Variants in ASTN2 observed in about 807,000 individuals in gnomAD.
ASTN2 encodes the protein astrotactin 2, also known as astrotactin-2.
Under a neutral mutation model 139.8 loss-of-function variants are expected in ASTN2, and 54 were observed. That is an observed-to-expected ratio of 0.39 (90% CI 0.31 to 0.48). ASTN2 has a LOEUF of 0.48. Ranked by LOEUF, ASTN2 falls within the 20% of genes least tolerant of loss-of-function variation. The probability of loss-of-function intolerance (pLI) is 0.95; values close to 1 mark genes in which losing one functional copy is unlikely to be tolerated. For missense variants in ASTN2, 1,565 were observed against 1,725.1 expected, an observed-to-expected ratio of 0.91 and a Z score of 1.64; for synonymous variants, 756 against 719.5, an observed-to-expected ratio of 1.05 and a Z score of -0.81.
chr9:116,875,516 G>C (rs1417524244), intron 10 of ASTN2, among the ~76,000 whole-genome samples: 1 of 152,156 alleles, frequency 6.6e-6, no homozygotes, highest in Non-Finnish European at 1.5e-5. Context: ...ATTAATAGAA[G>C]CTGCAGCAAG....
intron 4 of ASTN2, among the ~76,000 whole-genome samples, chr9:117,133,369 G>C (rs1233890091): frequency 6.6e-6 from 1 of 152,136 alleles, no homozygotes; most frequent in African/African-American, 2.4e-5. Flanking sequence ...TCCCAAAGTT[G>C]AGCCAGTCAG....
In ASTN2 at chr9:117,096,139, A is replaced by G; in HGVS notation, c.1181T>C (p.Phe394Ser). 1 of 1,613,892 alleles carries G rather than the reference A, an allele frequency of 6.2e-7. No homozygotes were observed. The highest frequency in any genetic ancestry group is 8.5e-7 in the Non-Finnish European group (1 of 1,179,892). The change falls in exon 5 of 23, where the codon TTT becomes TCT. Residue 394 changes from phenylalanine (F) to serine (S), a missense_variant. Physicochemically the swap from Phe to Ser is radical, Grantham distance 155. Transcript: ENST00000313400. Reference protein sequence around the residue: ...RRSKSRGGISFGRAKGTSGSE... With the variant: ...RRSKSRGGISSGRAKGTSGSE... ...GCCCGACGTCCCCTTGGCTCTCCCA[A>G]AGCTGATTCCTCCTGTGAGTAAGCA...
intron 10 of ASTN2, among the ~76,000 whole-genome samples, chr9:116,965,090 G>T (rs1422063269): frequency 6.6e-6 from 1 of 152,190 alleles, no homozygotes; most frequent in Admixed American, 6.5e-5. Flanking sequence ...AACACTGAAG[G>T]TGGGCAAATG....
At chr9:116,429,150 C>T (rs753566497) in intron 22 of ASTN2, among the ~76,000 whole-genome samples, 1 of 151,834 alleles carries the variant, frequency 6.6e-6, no homozygotes, top group Admixed American at 6.6e-5. Flanking sequence ...ACCAGCCTGG[C>T]CAACATGGTG....
intron 6 of ASTN2, among the ~76,000 whole-genome samples, chr9:117,034,954 C>T (rs1291792668): frequency 6.6e-6 from 1 of 152,098 alleles, no homozygotes; most frequent in Non-Finnish European, 1.5e-5. Flanking sequence ...TCTTTATAAT[C>T]GACAGTAAAC....
At chr9:116,993,853 GATATAT>G (rs61556942) in intron 7 of ASTN2, among the ~76,000 whole-genome samples, 2 of 132,046 alleles carry the variant, frequency 1.5e-5, no homozygotes, top group African/African-American at 5.5e-5. Flanking sequence ...GTATGTACAT[GATATAT>G]ATATATATAT....
At chr9:117,379,911 G>T (rs1830220764) in intron 1 of ASTN2, among the ~76,000 whole-genome samples, 1 of 152,114 alleles carries the variant, frequency 6.6e-6, no homozygotes, top group African/African-American at 2.4e-5. Flanking sequence ...CTGGGTGAAG[G>T]GGAGGGAGTG....
At chr9:116,507,910 C>T (rs553428925) in intron 19 of ASTN2, among the ~76,000 whole-genome samples, 15 of 152,098 alleles carry the variant, frequency 9.9e-5, no homozygotes, top group South Asian at 8.3e-4. Flanking sequence ...TTTCTTGAGA[C>T]GGAGTTTCGC....
chr9:116,686,846 G>C (rs926028873), intron 16 of ASTN2: 5 of 1,549,582 alleles, frequency 3.2e-6, no homozygotes, highest in Non-Finnish European at 4.4e-6. Context: ...TCAGAGCACA[G>C]AACATGAGGC....
At chr9:116,497,792 G>T (rs1268482883) in intron 19 of ASTN2, among the ~76,000 whole-genome samples, 1 of 152,152 alleles carries the variant, frequency 6.6e-6, no homozygotes, top group Admixed American at 6.5e-5. Flanking sequence ...ACCACAGTGT[G>T]AGTTCACTGC....
At chr9:116,495,072 A>G (rs1849627995) in intron 19 of ASTN2, among the ~76,000 whole-genome samples, 1 of 152,194 alleles carries the variant, frequency 6.6e-6, no homozygotes, top group Non-Finnish European at 1.5e-5. Flanking sequence ...ACCTTTCAGG[A>G]GTAAATAGGA....
chr9:116,818,115 G>T (rs1831387588), intron 12 of ASTN2, among the ~76,000 whole-genome samples: 1 of 152,040 alleles, frequency 6.6e-6, no homozygotes, highest in Non-Finnish European at 1.5e-5. Context: ...ATTGTTATGA[G>T]AATTGAATGA....
chr9:116,871,439 AC>A (rs1379175568), intron 10 of ASTN2, among the ~76,000 whole-genome samples: 1 of 152,138 alleles, frequency 6.6e-6, no homozygotes, highest in African/African-American at 2.4e-5. Flanking sequence ...CCAAAGAGAA[AC>A]CCTGCCTCTA....
At chr9:117,011,657 G>A (rs1383821221) in intron 6 of ASTN2, among the ~76,000 whole-genome samples, 1 of 152,168 alleles carries the variant, frequency 6.6e-6, no homozygotes, top group African/African-American at 2.4e-5. Context: ...TCCTTTGAAT[G>A]TCCTCTGCTC....
intron 3 of ASTN2, among the ~76,000 whole-genome samples, chr9:117,148,874 G>A (rs1830262644): frequency 6.6e-6 from 1 of 152,118 alleles, no homozygotes; most frequent in Non-Finnish European, 1.5e-5. Context: ...TGAGTTAGAG[G>A]AATATGCTAC....
intron 3 of ASTN2, chr9:117,197,080 T>C (rs775053342): frequency 1.3e-5 from 2 of 152,246 alleles, no homozygotes; most frequent in Non-Finnish European, 1.5e-5. Flanking sequence ...AAGATGTTTG[T>C]TGACCCATCG....
At chr9:116,702,430 T>G (rs1015075572) in intron 16 of ASTN2, among the ~76,000 whole-genome samples, 4 of 152,172 alleles carry the variant, frequency 2.6e-5, no homozygotes, top group Non-Finnish European at 4.4e-5. Flanking sequence ...TCTCCAAATA[T>G]ATCAAGTTCA....
chr9:116,572,995 G>A (rs1588024802), intron 19 of ASTN2, among the ~76,000 whole-genome samples: 1 of 143,950 alleles, frequency 6.9e-6, no homozygotes, highest in Non-Finnish European at 1.5e-5. Context: ...GTACATGCGT[G>A]CACACATGTG....
Position 117,040,693 on chromosome 9 carries a change from A to T in ASTN2, c.1277-728T>A, listed in dbSNP as rs934759363. On this transcript the variant is annotated intron_variant, in intron 5 of 22. Coordinates refer to ENST00000313400, the MANE Select transcript of ASTN2 (RefSeq NM_001365068.1). The stretch of plus-strand genomic sequence containing the variant: ...AGGCTGGTCTGGAACTCCTGACCAC[A>T]GGTGATCCACCCGCCTCAGCCTCCC... Among the ~76,000 whole-genome samples, 3 of 152,176 alleles carry T rather than the reference A, an allele frequency of 2.0e-5. No homozygotes were observed. The South Asian group carries it at 6.2e-4, about 32-fold the overall frequency.
Sources: allele counts gnomAD v4.1 joint callset (sites outside exome capture counted in the v4.1 genomes callset), GRCh38; gene constraint gnomAD v4.1.1; transcripts MANE v1.5; gene names NCBI Gene and HGNC (gene_info 2026-07-23, HGNC 2026-07-21).